Variants in ATL1 observed in about 807,000 individuals in gnomAD.
The protein encoded by ATL1 is atlastin GTPase 1.
A neutral mutation model predicts 75.5 loss-of-function variants in ATL1; 31 were observed. The observed-to-expected ratio is 0.41, with a 90% confidence interval of 0.31 to 0.55. ATL1 has a LOEUF of 0.55. Among genes scored for constraint, ATL1 ranks in the 20% least tolerant of loss-of-function variants. The pLI is 0.27. For synonymous variants in ATL1, 226 were observed against 233.3 expected, an observed-to-expected ratio of 0.97 and a Z score of 0.28; for missense variants, 405 against 662.6, an observed-to-expected ratio of 0.61 and a Z score of 4.27.
intron 1 of ATL1, 132 bp downstream of exon 1, chr14:50,560,431 G>C (rs1002197713): frequency 6.5e-6 from 8 of 1,226,016 alleles, no homozygotes; most frequent in Admixed American, 6.1e-5. Flanking sequence ...GGCCGTAGCC[G>C]AGCCGCTCCC....
Position 50,600,269 on chromosome 14 carries a change from A to T in ATL1, c.630+4637A>T, listed in dbSNP as rs140412282. On this transcript the variant is annotated intron_variant, in intron 6 of 13. Coordinates refer to ENST00000358385, the MANE Select transcript of ATL1 (RefSeq NM_015915.5). ...TGCGGCTTTTGGTTAAAAAAAAAAA[A>T]AAGAGTTGAAAACAAACAATGAAAA... Among the ~76,000 whole-genome samples the T allele has an allele frequency of 7.9e-3, 1,203 of 152,078 alleles. 12 individuals are homozygous for T. Among genetic ancestry groups the T allele is most frequent in the Non-Finnish European group, 0.011 (751 of 67,974 alleles).
At chr14:50,591,480 C>G in intron 3 of ATL1, 55 bp from the exon 4 acceptor site, 3 of 1,156,328 alleles carry the variant, frequency 2.6e-6, no homozygotes, top group Non-Finnish European at 3.9e-6. Context: ...TTATGGTAAC[C>G]CTAATGACCT....
chr14:50,626,881 A>G (rs1348669528), intron 11 of ATL1, among the ~76,000 whole-genome samples: 1 of 152,098 alleles, frequency 6.6e-6, no homozygotes, highest in Non-Finnish European at 1.5e-5. Flanking sequence ...CCATTAATCA[A>G]CCTCTCTTCA....
Position 50,628,240 on chromosome 14 carries a change from T to C in ATL1, c.1329T>C (p.His443=), listed in dbSNP as rs146164574. ...IKHNDSKNIF[H]AARTPATLFV... ...ACAATGATAGCAAAAATATCTTCCATGCAGCTCGTACCCCAGCCACACTGT... is the reference window on the plus strand; with the variant it reads ...ACAATGATAGCAAAAATATCTTCCACGCAGCTCGTACCCCAGCCACACTGT... Residue 443 remains histidine, a synonymous_variant, in exon 12 of 14, where the codon CAT becomes CAC. Transcript: ENST00000358385. 92 of 1,614,200 alleles carry C rather than the reference T, an allele frequency of 5.7e-5. No homozygotes were observed. In the African/African-American group the frequency reaches 1.0e-3, roughly 18 times the overall value.
At position 50,632,432 on chromosome 14, in the gene ATL1, A is replaced by C. The variant is rs1424277488; in HGVS notation, c.*93A>C. ...CAAACATTCAAAGTGCTTCCATCAG[A>C]ACGGAGTAAAATACTAAACACCTCT... is the stretch of plus-strand genomic sequence containing the variant. On this transcript the variant is annotated 3_prime_UTR_variant, in exon 14 of 14. Transcript: ENST00000358385. 2 of 886,122 alleles carry C rather than the reference A, an allele frequency of 2.3e-6. No individual in the cohort carries two copies. Among genetic ancestry groups the C allele is most frequent in the African/African-American group, 3.3e-5 (2 of 59,988 alleles). 54.9% of individuals were successfully genotyped at this position (886,122 alleles called of 1,614,324 possible).
rs574892382 is a variant in ATL1 at position 50,570,048 on chromosome 14, C to T, written c.34+9749C>T. ...TGTGGGTCTCTTTGAGTTCATCCTA[C>T]TTAGAATTTGCTGAACTTCTCAGAT... On this transcript the variant is annotated intron_variant, in intron 1 of 13. Coordinates refer to ENST00000358385, the MANE Select transcript of ATL1 (RefSeq NM_015915.5). 1.8e-4 allele frequency among the ~76,000 whole-genome samples: 27 copies of T among 152,266 alleles called. No individual in the cohort carries two copies. The South Asian group carries it at 5.0e-3, about 28-fold the overall frequency.
chr14:50,574,386 G>T lies in ATL1; in HGVS notation c.35-13445G>T, dbSNP rs1360689974. 1.3e-5 allele frequency among the ~76,000 whole-genome samples: 2 copies of T among 152,190 alleles called. 1 individual carries two copies. The highest frequency in any genetic ancestry group is 2.9e-5 in the Non-Finnish European group (2 of 68,016). ...ACAAGAGCTCTCCCAAGAAAGGATT[G>T]CAAGAATTGTAGTGCTGTAGTTTCA... is the stretch of plus-strand genomic sequence containing the variant. On this transcript the variant is annotated intron_variant, in intron 1 of 13. Coordinates refer to ENST00000358385, the MANE Select transcript of ATL1 (RefSeq NM_015915.5).
chr14:50,565,790 T>TA (rs1413633432), intron 1 of ATL1, among the ~76,000 whole-genome samples: 2 of 152,222 alleles, frequency 1.3e-5, no homozygotes, highest in African/African-American at 2.4e-5. Context: ...CTTCCAGTAA[T>TA]AAAAAAAGAT....
chr14:50,628,709 T>C (rs2039547567), intron 12 of ATL1: 2 of 620,438 alleles, frequency 3.2e-6, no homozygotes, highest in Non-Finnish European at 6.0e-6. Flanking sequence ...TAGTAGTATA[T>C]ATACTTTTTT....
intron 1 of ATL1, among the ~76,000 whole-genome samples, chr14:50,565,833 A>C (rs968300740): frequency 2.0e-5 from 3 of 152,204 alleles, no homozygotes; most frequent in Admixed American, 2.0e-4. Context: ...CTTTTACATA[A>C]AAATTTCTTA....
intron 1 of ATL1, among the ~76,000 whole-genome samples, chr14:50,574,374 C>T (rs908997258): frequency 6.6e-6 from 1 of 152,148 alleles, no homozygotes. Context: ...AGAGCTCTCC[C>T]AAGAAAGGAT....
intron 1 of ATL1, among the ~76,000 whole-genome samples, chr14:50,542,925 G>A (rs1013869473): frequency 1.3e-5 from 2 of 152,234 alleles, no homozygotes; most frequent in Non-Finnish European, 2.9e-5. Context: ...TTCATGCACA[G>A]TAGCTAATAG....
intron 6 of ATL1, among the ~76,000 whole-genome samples, chr14:50,604,921 C>T (rs1272621575): frequency 6.6e-6 from 1 of 151,990 alleles, no homozygotes; most frequent in Non-Finnish European, 1.5e-5. Flanking sequence ...AGAGCATGGT[C>T]TGTAGATACT....
chr14:50,589,508 A>C (rs1304947096), intron 2 of ATL1, among the ~76,000 whole-genome samples: 1 of 152,142 alleles, frequency 6.6e-6, no homozygotes, highest in Non-Finnish European at 1.5e-5. Context: ...TTGTAGGCAA[A>C]AGTAACTGGA....
intron 13 of ATL1, among the ~76,000 whole-genome samples, chr14:50,630,358 AACT>A (rs1321223400): frequency 6.6e-6 from 1 of 152,246 alleles, no homozygotes; most frequent in African/African-American, 2.4e-5. Context: ...GAGGAAATGT[AACT>A]ACTGGAGGGT....
chr14:50,614,778 C>G (rs1051509256), intron 8 of ATL1, among the ~76,000 whole-genome samples: 4 of 152,104 alleles, frequency 2.6e-5, no homozygotes, highest in Admixed American at 1.3e-4. Context: ...CTTCTTATCT[C>G]TGTGCACTGA....
intron 1 of ATL1, among the ~76,000 whole-genome samples, chr14:50,545,044 G>C (rs779719888): frequency 2.0e-5 from 3 of 151,872 alleles, no homozygotes; most frequent in Non-Finnish European, 4.4e-5. Context: ...AGGCCAGGCT[G>C]TGAGCCAAGG....
At chr14:50,537,735 C>G (rs116096304) in intron 1 of ATL1, among the ~76,000 whole-genome samples, 2,462 of 152,298 alleles carry the variant, frequency 0.016, 39 homozygotes, top group East Asian at 0.064. Flanking sequence ...TATGACTGCC[C>G]CACTTGATTT....
At chr14:50,623,974 G>C (rs1289249333) in intron 11 of ATL1, among the ~76,000 whole-genome samples, 1 of 152,196 alleles carries the variant, frequency 6.6e-6, no homozygotes, top group Non-Finnish European at 1.5e-5. Context: ...GTAATTGCTT[G>C]AAACAGGGAA....
Sources: allele counts gnomAD v4.1 joint callset (sites outside exome capture counted in the v4.1 genomes callset), GRCh38; gene constraint gnomAD v4.1.1; transcripts MANE v1.5; gene names NCBI Gene and HGNC (gene_info 2026-07-23, HGNC 2026-07-21).